ZBTB26: variants seen among roughly 807,000 people sequenced by gnomAD.
ZBTB26 encodes the protein zinc finger and BTB domain-containing protein 26.
A neutral mutation model predicts 31.6 loss-of-function variants in ZBTB26; 12 were observed. The ratio of observed to expected loss-of-function variants is 0.38; its 90% CI spans 0.24 to 0.61. ZBTB26 has a LOEUF of 0.61. ZBTB26 is among the 20% of genes least tolerant of loss of function. The probability of loss-of-function intolerance (pLI) is 0.60; values close to 1 mark genes in which losing one functional copy is unlikely to be tolerated. For missense variants in ZBTB26, 311 were observed against 521.9 expected (o/e 0.60, Z 3.94); for synonymous variants, 155 against 182.9 (o/e 0.85, Z 1.23).
Position 122,919,104 on chromosome 9 carries a change from C to T in ZBTB26, c.831G>A (p.Lys277=). The T allele has an allele frequency of 6.2e-7, 1 of 1,614,220 alleles. No homozygotes were observed. Residue 277 remains lysine (K), a synonymous_variant, in exon 2 of 2, where the codon AAG becomes AAA. Transcript: ENST00000373656. This position sits in a 1 kb window ranked among gnomAD's most constrained non-coding sequence, Gnocchi z 6.1. ...KGLQWHHQCP[K]CTRVFRHLEN... ...CCAGGTGACGAAACACCCTGGTACA[C>T]TTTGGGCACTGGTGATGCCACTGTA... is the stretch of plus-strand genomic sequence containing the variant.
intron 1 of ZBTB26, among the ~76,000 whole-genome samples, chr9:122,924,567 T>TA (rs1371823667): frequency 1.3e-5 from 2 of 152,134 alleles, no homozygotes; most frequent in Admixed American, 6.6e-5. Context: ...GCTTTCTTTC[T>TA]AGGGTTTGTT....
chr9:122,923,313 G>T (rs1489690623), intron 1 of ZBTB26, among the ~76,000 whole-genome samples: 1 of 151,952 alleles, frequency 6.6e-6, no homozygotes, highest in Non-Finnish European at 1.5e-5. Flanking sequence ...CTTTCCCCTT[G>T]TATGACATTT....
intron 1 of ZBTB26, chr9:122,930,928 C>T (rs1206644097): frequency 6.6e-6 from 1 of 152,228 alleles, no homozygotes; most frequent in East Asian, 1.9e-4. Context: ...AGATCTGGCT[C>T]CCAAACTTAA....
chr9:122,930,711 C>T (rs1207131131), intron 1 of ZBTB26, among the ~76,000 whole-genome samples: 1 of 152,182 alleles, frequency 6.6e-6, no homozygotes, highest in African/African-American at 2.4e-5. Context: ...ATTTCCTCCT[C>T]TTCCCACACA....
Position 122,919,166 on chromosome 9 carries a change from C to A in ZBTB26, c.769G>T (p.Val257Phe), listed in dbSNP as rs976802611. The change falls in exon 2 of 2, where the codon GTC becomes TTC. Residue 257 changes from valine to phenylalanine, a missense_variant. Physicochemically the swap from Val to Phe is conservative, Grantham distance 50 (BLOSUM62 -1). Coordinates refer to ENST00000373656, the MANE Select transcript of ZBTB26 (RefSeq NM_020924.4). This position sits in a 1 kb window ranked among gnomAD's most constrained non-coding sequence, Gnocchi z 6.1. ...SDNIIMASKD[V>F]FGPNIRGVDK... Reference sequence around the variant, plus strand: ...ACACCTCGAATATTAGGGCCAAAGACATCTTTTGAGGCCATGATGATGTTA... The same window carrying A: ...ACACCTCGAATATTAGGGCCAAAGAAATCTTTTGAGGCCATGATGATGTTA... 9 of 1,614,174 alleles carry A rather than the reference C, an allele frequency of 5.6e-6. No individual in the cohort carries two copies. Among genetic ancestry groups the A allele is most frequent in the Non-Finnish European group, 6.8e-6 (8 of 1,180,012 alleles).
At chr9:122,924,242 T>C (rs1833143775) in intron 1 of ZBTB26, among the ~76,000 whole-genome samples, 1 of 152,236 alleles carries the variant, frequency 6.6e-6, no homozygotes, top group Admixed American at 6.5e-5. Flanking sequence ...AGTCTAAGAA[T>C]GTGAGCAAAA....
chr9:122,918,885 T>G lies in ZBTB26; in HGVS notation c.1050A>C (p.Gly350=). The change falls in exon 2 of 2, where the codon GGA becomes GGC. Residue 350 remains glycine (G), a synonymous_variant. Transcript: ENST00000373656. The part of the protein sequence containing the change: ...SLQDHLNLHS[G]DKPHKCNYCD... Reference sequence around the variant, plus strand: ...AATAGTTACATTTATGGGGCTTATCTCCACTGTGAAGGTTAAGATGATCCT... The same window carrying G: ...AATAGTTACATTTATGGGGCTTATCGCCACTGTGAAGGTTAAGATGATCCT... 6.2e-7 allele frequency: 1 copy of G among 1,614,200 alleles called. No individual in the cohort carries two copies.
chr9:122,919,734 G>C lies in ZBTB26; in HGVS notation c.201C>G (p.Ser67=). Residue 67 remains serine, a synonymous_variant, in exon 2 of 2, where the codon TCC becomes TCG. Transcript: ENST00000373656. The surrounding 1 kb of genome is among the most constrained non-coding windows in gnomAD (Gnocchi z 6.1). ...GTAATATGGAGATTTTCACCTCTCT[G>C]GAATCATTCAGTAAAAATTGGTCTC... is the stretch of plus-strand genomic sequence containing the variant. ...FLRDQFLLND[S]REVKISILQS... is the part of the protein sequence containing the mutation. The C allele has an allele frequency of 6.2e-7, 1 of 1,614,058 alleles. No individual in the cohort carries two copies. The highest frequency in any genetic ancestry group is 8.5e-7 in the Non-Finnish European group (1 of 1,180,006).
At chr9:122,923,258 G>A (rs1322915103) in intron 1 of ZBTB26, among the ~76,000 whole-genome samples, 2 of 149,394 alleles carry the variant, frequency 1.3e-5, no homozygotes, top group Non-Finnish European at 3.0e-5. Context: ...ACCAATATAA[G>A]AAGAAGTAAT....
Position 122,919,293 on chromosome 9 carries a change from T to A in ZBTB26, c.642A>T (p.Ser214=). ...AATTTATCAGGGAGTGCTGGGGCTC[T>A]GATGAATGTAAAGCAGTGGGTTCAG... ...ISSEPTALHS[S]EPQHSLINST... The change falls in exon 2 of 2, where the codon TCA becomes TCT. Residue 214 remains serine, a synonymous_variant. Transcript: ENST00000373656. This position sits in a 1 kb window ranked among gnomAD's most constrained non-coding sequence, Gnocchi z 6.1. The A allele has an allele frequency of 6.2e-7, 1 of 1,614,244 alleles. No individual in the cohort carries two copies. The highest frequency in any genetic ancestry group is 8.5e-7 in the Non-Finnish European group (1 of 1,180,044).
chr9:122,919,732 C>T lies in ZBTB26; in HGVS notation c.203G>A (p.Arg68Lys). ...CTGTAATATGGAGATTTTCACCTCTCTGGAATCATTCAGTAAAAATTGGTC... is the reference window on the plus strand; with the variant it reads ...CTGTAATATGGAGATTTTCACCTCTTTGGAATCATTCAGTAAAAATTGGTC... Reference protein sequence around the residue: ...LRDQFLLNDSREVKISILQSS... With the variant: ...LRDQFLLNDSKEVKISILQSS... Residue 68 changes from arginine (R) to lysine (K), a missense_variant, in exon 2 of 2, where the codon AGA becomes AAA. Coordinates refer to ENST00000373656, the MANE Select transcript of ZBTB26 (RefSeq NM_020924.4). The surrounding 1 kb of genome is among the most constrained non-coding windows in gnomAD (Gnocchi z 6.1). 1 of 1,614,140 alleles carries T rather than the reference C, an allele frequency of 6.2e-7. No homozygotes were observed. The highest frequency in any genetic ancestry group is 8.5e-7 in the Non-Finnish European group (1 of 1,180,016).
intron 1 of ZBTB26, among the ~76,000 whole-genome samples, chr9:122,924,865 C>T (rs1381511568): frequency 1.3e-5 from 2 of 151,958 alleles, no homozygotes. Flanking sequence ...AATCAAATCT[C>T]GCTGTAACCT....
intron 1 of ZBTB26, among the ~76,000 whole-genome samples, chr9:122,923,333 C>T (rs560024672): frequency 2.2e-4 from 33 of 149,308 alleles, no homozygotes; most frequent in African/African-American, 8.1e-4. Flanking sequence ...TTGAATGTAC[C>T]GATAATCACA....
chr9:122,921,138 T>C (rs1369299903), intron 1 of ZBTB26, among the ~76,000 whole-genome samples: 1 of 152,228 alleles, frequency 6.6e-6, no homozygotes, highest in Non-Finnish European at 1.5e-5. Context: ...CTGATTCCTT[T>C]ATATAGCAAT....
Position 122,918,024 on chromosome 9 carries a change from T to C in ZBTB26, c.*585A>G. ...ACAATTCAATGAGATGAAGTTGGGC[T>C]ATGATACTGTTGAAAAGAGTACATA... On this transcript the variant is annotated 3_prime_UTR_variant, in exon 2 of 2. Transcript: ENST00000373656. The C allele has an allele frequency of 6.5e-6, 1 of 153,394 alleles. No homozygotes were observed. The highest frequency in any genetic ancestry group is 1.4e-5 in the Non-Finnish European group (1 of 69,010). 9.5% of individuals were successfully genotyped at this position (153,394 alleles called of 1,614,324 possible).
At position 122,919,263 on chromosome 9, in the gene ZBTB26, A is replaced by G; in HGVS notation, c.672T>C (p.Thr224=). The change falls in exon 2 of 2, where the codon ACT becomes ACC. Residue 224 remains threonine (T), a synonymous_variant. Coordinates refer to ENST00000373656, the MANE Select transcript of ZBTB26 (RefSeq NM_020924.4). This position sits in a 1 kb window ranked among gnomAD's most constrained non-coding sequence, Gnocchi z 6.1. ...SEPQHSLINS[T]VENRVSEIEQ... is the part of the protein sequence containing the mutation. ...CTATTTCACTTACTCTGTTTTCCAC[A>G]GTTGAATTTATCAGGGAGTGCTGGG... 1.2e-6 allele frequency: 2 copies of G among 1,614,214 alleles called. No homozygotes were observed. Among genetic ancestry groups the G allele is most frequent in the Non-Finnish European group, 1.7e-6 (2 of 1,180,022 alleles).
chr9:122,921,383 T>A (rs1833096221), intron 1 of ZBTB26, among the ~76,000 whole-genome samples: 1 of 152,228 alleles, frequency 6.6e-6, no homozygotes, highest in East Asian at 1.9e-4. Flanking sequence ...TATAGCTCTA[T>A]AATCTCAGTG....
At chr9:122,920,629 C>T (rs891266723) in intron 1 of ZBTB26, among the ~76,000 whole-genome samples, 5 of 152,106 alleles carry the variant, frequency 3.3e-5, no homozygotes, top group Non-Finnish European at 2.9e-5. Context: ...ACAGAACTAA[C>T]GGGACAATGT....
chr9:122,930,344 T>C (rs1306281173), intron 1 of ZBTB26, among the ~76,000 whole-genome samples: 2 of 152,230 alleles, frequency 1.3e-5, no homozygotes, highest in African/African-American at 2.4e-5. Context: ...CAGTTAATTA[T>C]GGAGTCTTGA....
Sources: allele counts gnomAD v4.1 joint callset (sites outside exome capture counted in the v4.1 genomes callset), GRCh38; gene constraint gnomAD v4.1.1; non-coding constraint Gnocchi (gnomAD v3.1); transcripts MANE v1.5; gene names NCBI Gene and HGNC (gene_info 2026-07-23, HGNC 2026-07-21).